DCLK1: variants seen among roughly 807,000 people sequenced by gnomAD.
The protein encoded by DCLK1 is doublecortin like kinase 1, also known as serine/threonine-protein kinase DCLK1.
In DCLK1, 16 loss-of-function variants were observed where a neutral mutation model predicts 86.2. The observed-to-expected ratio is 0.19, with a 90% CI of 0.13 to 0.28. DCLK1 has a LOEUF of 0.28. Ranked by LOEUF, DCLK1 falls within the 10% of genes least tolerant of loss-of-function variation. The pLI, the probability that DCLK1 is intolerant of heterozygous loss-of-function variation, is 1.00. For missense variants in DCLK1, 590 were observed against 940.2 expected, an observed-to-expected ratio of 0.63 and a Z score of 4.87; for synonymous variants, 369 against 370.5, an observed-to-expected ratio of 1.00 and a Z score of 0.05.
intron 7 of DCLK1, among the ~76,000 whole-genome samples, chr13:35,837,235 G>A (rs1248477138): frequency 6.6e-6 from 1 of 152,348 alleles, no homozygotes; most frequent in Middle Eastern, 3.4e-3. Context: ...CTCGATTTAT[G>A]ATGATGCTCA....
intron 3 of DCLK1, among the ~76,000 whole-genome samples, chr13:36,020,968 A>T (rs191243856): frequency 1.3e-5 from 2 of 152,318 alleles, no homozygotes; most frequent in African/African-American, 2.4e-5. Flanking sequence ...ATATATAAGT[A>T]TGTAAATGTG....
At chr13:35,956,830 A>G (rs1160246417) in intron 3 of DCLK1, among the ~76,000 whole-genome samples, 1 of 152,206 alleles carries the variant, frequency 6.6e-6, no homozygotes, top group African/African-American at 2.4e-5. Flanking sequence ...AAATTTTAAT[A>G]GGAAGAATTG....
chr13:35,833,932 C>T (rs543071146), intron 8 of DCLK1, among the ~76,000 whole-genome samples: 13 of 152,248 alleles, frequency 8.5e-5, no homozygotes, highest in African/African-American at 2.2e-4. Context: ...TGTGAACTCA[C>T]GCAAAACAAA....
chr13:35,848,314 TAAG>T, intron 6 of DCLK1: 1 of 985,056 alleles, frequency 1.0e-6, no homozygotes, highest in Non-Finnish European at 1.2e-6. Context: ...TGTTTGTTGC[TAAG>T]AAATTTTTAT....
At chr13:35,861,743 C>G (rs1452809632) in intron 5 of DCLK1, among the ~76,000 whole-genome samples, 2 of 152,046 alleles carry the variant, frequency 1.3e-5, no homozygotes, top group African/African-American at 4.8e-5. Flanking sequence ...ATGCAGACTT[C>G]TGGCCAGGCA....
chr13:35,884,406 C>G (rs981921999), intron 4 of DCLK1, among the ~76,000 whole-genome samples: 1 of 152,016 alleles, frequency 6.6e-6, no homozygotes, highest in Non-Finnish European at 1.5e-5. Flanking sequence ...CTCATGACCA[C>G]CTGGCTTTAA....
chr13:35,945,800 G>C (rs1355137210), intron 4 of DCLK1, among the ~76,000 whole-genome samples: 1 of 152,124 alleles, frequency 6.6e-6, no homozygotes, highest in African/African-American at 2.4e-5. Context: ...ACAAAAATCT[G>C]TGCCTCAAAG....
intron 4 of DCLK1, among the ~76,000 whole-genome samples, chr13:35,895,987 T>C (rs191300915): frequency 6.6e-6 from 1 of 152,246 alleles, no homozygotes; most frequent in Admixed American, 6.5e-5. Flanking sequence ...TAACAAAAAT[T>C]GCTATTTTTC....
chr13:36,086,413 G>T (rs1313593140), intron 3 of DCLK1, among the ~76,000 whole-genome samples: 1 of 151,298 alleles, frequency 6.6e-6, no homozygotes, highest in Non-Finnish European at 1.5e-5. Context: ...AACATTACTG[G>T]CTGGCACTAC....
chr13:35,912,806 G>T (rs973648263), intron 4 of DCLK1, among the ~76,000 whole-genome samples: 5 of 152,144 alleles, frequency 3.3e-5, no homozygotes, highest in Non-Finnish European at 5.9e-5. Flanking sequence ...TATGAGGCAA[G>T]TCCACTGAGC....
At chr13:36,079,604 C>T (rs1008445749) in intron 3 of DCLK1, among the ~76,000 whole-genome samples, 9 of 152,010 alleles carry the variant, frequency 5.9e-5, no homozygotes. Context: ...TGCACTCCAG[C>T]CTGGGGGACA....
chr13:35,986,292 C>T (rs1879903074), intron 3 of DCLK1, among the ~76,000 whole-genome samples: 1 of 94,622 alleles, frequency 1.1e-5, no homozygotes, highest in South Asian at 4.8e-4. Flanking sequence ...ACAGAGTGGA[C>T]TCCGTCTCAA....
chr13:35,969,759 G>A (rs1475696916), intron 3 of DCLK1, among the ~76,000 whole-genome samples: 12 of 152,136 alleles, frequency 7.9e-5, no homozygotes, highest in Non-Finnish European at 1.8e-4. Flanking sequence ...TGAGATAAAT[G>A]CTTGTGTTCC....
rs567607817 is a variant in DCLK1, at chr13:35,920,105, A to C, written c.823+27253T>G. On this transcript the variant is annotated intron_variant, in intron 4 of 16. Coordinates refer to ENST00000360631, the MANE Select transcript of DCLK1 (RefSeq NM_001330071.2). ...TCAAACTTCACAATGTTCTTCCTCC[A>C]CTATTATATACCAAATAAATGATAA... Among the ~76,000 whole-genome samples, 3 of 152,226 alleles carry C rather than the reference A, an allele frequency of 2.0e-5. No individual in the cohort carries two copies. In the East Asian group the frequency reaches 5.8e-4, roughly 29 times the overall value.
intron 6 of DCLK1, among the ~76,000 whole-genome samples, chr13:35,853,657 A>G (rs142049449): frequency 2.9e-4 from 44 of 152,354 alleles, no homozygotes; most frequent in African/African-American, 9.9e-4. Flanking sequence ...TGAGTGCAGT[A>G]GACTGCAAGG....
At chr13:36,095,186 G>GT (rs149587599) in intron 3 of DCLK1, among the ~76,000 whole-genome samples, 11 of 144,188 alleles carry the variant, frequency 7.6e-5, no homozygotes, top group African/African-American at 1.5e-4. Context: ...TTTTTTTTTT[G>GT]TTTTTTTTGT....
chr13:36,037,534 A>C (rs1378352248), intron 3 of DCLK1, among the ~76,000 whole-genome samples: 2 of 151,986 alleles, frequency 1.3e-5, no homozygotes, highest in African/African-American at 4.8e-5. Context: ...CCCAGGCTGG[A>C]GTGCAGTGGT....
At chr13:35,776,326 A>G (rs753550990) in intron 16 of DCLK1, among the ~76,000 whole-genome samples, 6 of 152,194 alleles carry the variant, frequency 3.9e-5, no homozygotes, top group East Asian at 1.9e-4. Context: ...ACAGACGTCT[A>G]TTTAGTCTGT....
At chr13:36,029,427 C>T (rs1365261274) in intron 3 of DCLK1, among the ~76,000 whole-genome samples, 1 of 152,180 alleles carries the variant, frequency 6.6e-6, no homozygotes, top group East Asian at 1.9e-4. Flanking sequence ...TCCCCAGTGT[C>T]TTGCAGTGAA....
Sources: gnomAD v4.1 joint callset for allele counts (sites outside exome capture counted in the v4.1 genomes callset) on GRCh38, gnomAD v4.1.1 for gene constraint, MANE v1.5 for transcripts, NCBI Gene and HGNC (gene_info 2026-07-23, HGNC 2026-07-21) for gene names.